LAMB4: variants seen among roughly 807,000 people sequenced by gnomAD.
LAMB4 encodes the protein laminin subunit beta 4.
LAMB4 carries 196 observed loss-of-function variants against 199.2 expected under a neutral mutation model. The observed-to-expected ratio is 0.98, with a 90% CI of 0.88 to 1.11. The LOEUF (loss-of-function observed/expected upper bound fraction) is 1.11. LAMB4 is among the 50% of genes least tolerant of loss of function. The probability of loss-of-function intolerance (pLI) is 0.00; values close to 1 mark genes in which losing one functional copy is unlikely to be tolerated. For missense variants in LAMB4, 2,080 were observed against 2,171.2 expected (o/e 0.96, Z 0.83); for synonymous variants, 744 against 770.6 (o/e 0.97, Z 0.57).
chr7:108,107,924 G>A (rs2038083598), intron 5 of LAMB4, 105 bp from the exon 6 acceptor site: 1 of 831,790 alleles, frequency 1.2e-6, no homozygotes. Flanking sequence ...AAAACTTTAG[G>A]TGTATCTTTT....
At chr7:108,104,422 A>G in intron 9 of LAMB4, 77 bp downstream of exon 9, 1 of 1,561,708 alleles carries the variant, frequency 6.4e-7, no homozygotes, top group Non-Finnish European at 8.7e-7. Context: ...GCAGCCCCAC[A>G]GAAGTGAACG....
chr7:108,031,105 T>C lies in LAMB4; in HGVS notation c.4819-126A>G, dbSNP rs947695649. 1.5e-5 allele frequency: 9 copies of C among 606,952 alleles called. No individual in the cohort carries two copies. The African/African-American group carries it at 1.7e-4, about 11-fold the overall frequency. The allele number at this position is 606,952 out of a possible 1,614,324, so 37.6% of individuals were successfully genotyped here. A position where few individuals can be genotyped will look rare whatever the true frequency, so the allele number is the denominator to read the frequency against. ...GAAAAGAAAATAGTGCCTCCACTTT[T>C]TCTGTTGCATTTATTTAAAATATTA... On this transcript the variant is annotated intron_variant, in intron 31 of 33. Transcript: ENST00000388781.
intron 25 of LAMB4, among the ~76,000 whole-genome samples, chr7:108,053,884 C>T (rs2035900811): frequency 1.3e-5 from 2 of 152,216 alleles, no homozygotes; most frequent in African/African-American, 4.8e-5. Context: ...TACAGTAGGG[C>T]TTCTTACAAG....
chr7:108,119,275 T>C lies in LAMB4; in HGVS notation c.35-3114A>G, dbSNP rs543268876. On this transcript the variant is annotated intron_variant, in intron 2 of 33. Coordinates refer to ENST00000388781, the MANE Select transcript of LAMB4 (RefSeq NM_007356.3). ...TGATCAAGCAACTCAGCAAGGGAAC[T>C]CTTGAGTATTTATCGCAGAGAAATT... is the stretch of plus-strand genomic sequence containing the variant. Among the ~76,000 whole-genome samples the C allele has an allele frequency of 6.6e-5, 10 of 152,314 alleles. No individual in the cohort carries two copies. In the South Asian group the frequency reaches 1.7e-3, roughly 25 times the overall value.
At chr7:108,107,232 C>T (rs552752109) in intron 6 of LAMB4, among the ~76,000 whole-genome samples, 1 of 152,332 alleles carries the variant, frequency 6.6e-6, no homozygotes, top group East Asian at 1.9e-4. Context: ...CTGCCAGGCA[C>T]CAGCTTTGCT....
chr7:108,020,146 C>G (rs1206195609), downstream of LAMB4, among the ~76,000 whole-genome samples: 1 of 152,044 alleles, frequency 6.6e-6, no homozygotes, highest in African/African-American at 2.4e-5. Flanking sequence ...CACACCTTAT[C>G]AGATCTCCTA....
downstream of LAMB4, among the ~76,000 whole-genome samples, chr7:108,022,121 T>C (rs1484038484): frequency 6.6e-6 from 1 of 152,186 alleles, no homozygotes; most frequent in African/African-American, 2.4e-5. Context: ...TATCGCCTGA[T>C]GCATAGTTGT....
chr7:108,045,734 G>T (rs2035596524), intron 28 of LAMB4, among the ~76,000 whole-genome samples: 1 of 152,214 alleles, frequency 6.6e-6, no homozygotes, highest in African/African-American at 2.4e-5. Flanking sequence ...TATGTTTGCT[G>T]CTGTATTCTC....
At chr7:108,123,037 A>G in intron 2 of LAMB4, 94 bp downstream of exon 2, 3 of 1,128,062 alleles carry the variant, frequency 2.7e-6, no homozygotes, top group African/African-American at 3.1e-5. Flanking sequence ...ATACAGCACT[A>G]TAGAAGACAG....
At chr7:108,014,719 G>T in the LAMB4 span, among the ~76,000 whole-genome samples, 10 of 142,536 alleles carry the variant, frequency 7.0e-5, no homozygotes, top group South Asian at 2.2e-4. Flanking sequence ...ACTGGTTGTT[G>T]TTTTTTTTTT....
chr7:108,109,386 TG>T (rs1484095351), intron 4 of LAMB4, 142 bp from the exon 5 acceptor site: 2 of 656,970 alleles, frequency 3.0e-6, no homozygotes, highest in Non-Finnish European at 5.4e-6. Flanking sequence ...TCTGTTGGAG[TG>T]GTATCCCATG....
Position 108,104,366 on chromosome 7 carries a change from A to G in LAMB4, c.991+133T>C. ...GTGGGATAATTGGGAACACTGGGATATCACACTATAGGAGCTGGGAGGACA... is the reference window on the plus strand; with the variant it reads ...GTGGGATAATTGGGAACACTGGGATGTCACACTATAGGAGCTGGGAGGACA... On this transcript the variant is annotated intron_variant, in intron 9 of 33. Transcript: ENST00000388781. 5.3e-6 allele frequency: 5 copies of G among 949,530 alleles called. No individual in the cohort carries two copies. The South Asian group carries it at 8.9e-5, about 17-fold the overall frequency. The allele number at this position is 949,530 out of a possible 1,614,324, so 58.8% of individuals were successfully genotyped here.
intron 19 of LAMB4, 128 bp downstream of exon 19, chr7:108,067,888 A>C: frequency 1.8e-6 from 2 of 1,131,086 alleles, no homozygotes; most frequent in Non-Finnish European, 2.6e-6. Flanking sequence ...TTATGTACAT[A>C]GATAGTCTGA....
At chr7:108,068,874 T>C (rs1326286223) in intron 18 of LAMB4, among the ~76,000 whole-genome samples, 3 of 151,894 alleles carry the variant, frequency 2.0e-5, no homozygotes, top group Admixed American at 2.0e-4. Context: ...TTAGTAAAGA[T>C]GGTGTTTCAC....
At chr7:108,014,711 T>C in the LAMB4 span, among the ~76,000 whole-genome samples, 1 of 147,920 alleles carries the variant, frequency 6.8e-6, no homozygotes, top group Admixed American at 6.7e-5. Context: ...AGACTAGAAC[T>C]GGTTGTTGTT....
chr7:108,078,378 C>T, intron 15 of LAMB4, 62 bp from the exon 16 acceptor site: 5 of 1,014,474 alleles, frequency 4.9e-6, no homozygotes, highest in South Asian at 1.4e-5. Flanking sequence ...TTTGCACGTA[C>T]ACACATATAG....
At chr7:108,059,546 A>T (rs1276416119) in intron 23 of LAMB4, among the ~76,000 whole-genome samples, 1 of 152,134 alleles carries the variant, frequency 6.6e-6, no homozygotes, top group Non-Finnish European at 1.5e-5. Context: ...GTCTGTCAGT[A>T]TAATGTTTAA....
chr7:108,083,274 C>T lies in LAMB4; in HGVS notation c.1702-3488G>A, dbSNP rs1584711149. Among the ~76,000 whole-genome samples the T allele has an allele frequency of 1.3e-5, 2 of 152,142 alleles. 1 individual carries two copies. Among genetic ancestry groups the T allele is most frequent in the South Asian group, 4.1e-4 (2 of 4,820 alleles). On this transcript the variant is annotated intron_variant, in intron 14 of 33. Transcript: ENST00000388781. ...CTATTTTAATTCTCTTGTTCTCTGT[C>T]ACAATATAGCCCAAAAGGATCTGGA...
intron 1 of LAMB4, among the ~76,000 whole-genome samples, chr7:108,125,580 T>C (rs1388203921): frequency 1.3e-5 from 2 of 152,196 alleles, no homozygotes; most frequent in South Asian, 2.1e-4. Context: ...GGATATATCA[T>C]GGCATTCCTG....
Sources: gnomAD v4.1 joint callset for allele counts (sites outside exome capture counted in the v4.1 genomes callset) on GRCh38, gnomAD v4.1.1 for gene constraint, MANE v1.5 for transcripts, NCBI Gene and HGNC (gene_info 2026-07-23, HGNC 2026-07-21) for gene names.